IL16: variants seen among roughly 807,000 people sequenced by gnomAD.
IL16 encodes the protein pro-interleukin-16.
IL16 carries 67 observed loss-of-function variants against 110.1 expected under a neutral mutation model. The ratio of observed to expected loss-of-function variants is 0.61; its 90% CI spans 0.50 to 0.75. The LOEUF is 0.75. Among genes scored for constraint, IL16 ranks in the 30% least tolerant of loss-of-function variants. The pLI, the probability that IL16 is intolerant of heterozygous loss-of-function variation, is 0.00. For missense variants in IL16, 1,545 were observed against 1,655.0 expected (o/e 0.93, Z 1.15); for synonymous variants, 689 against 662.9 (o/e 1.04, Z -0.61).
intron 1 of IL16, among the ~76,000 whole-genome samples, chr15:81,183,266 A>C (rs1895371901): frequency 6.6e-6 from 1 of 152,170 alleles, no homozygotes; most frequent in African/African-American, 2.4e-5. Flanking sequence ...TCAGTGTCTA[A>C]AACGCTAGCT....
rs1003856485 is a variant in IL16, at chr15:81,222,147, G to A, written c.-101-3152G>A. On this transcript the variant is annotated intron_variant, in intron 1 of 18. Coordinates refer to ENST00000683961, the MANE Select transcript of IL16 (RefSeq NM_172217.5). ...GGTTTGCATTCCAAGAACCCATGCA[G>A]ACTGTGGCAATTCTTGGTGGGACAA... Among the ~76,000 whole-genome samples, 7 of 152,226 alleles carry A rather than the reference G, an allele frequency of 4.6e-5. No individual in the cohort carries two copies. The East Asian group carries it at 1.4e-3, about 29-fold the overall frequency.
intron 1 of IL16, among the ~76,000 whole-genome samples, chr15:81,184,516 C>T (rs574985919): frequency 2.0e-5 from 3 of 152,306 alleles, no homozygotes; most frequent in African/African-American, 7.2e-5. Flanking sequence ...CAGGCATAAC[C>T]TTGGGTGAGG....
intron 11 of IL16, among the ~76,000 whole-genome samples, chr15:81,291,513 C>T (rs924979555): frequency 6.6e-6 from 1 of 152,034 alleles, no homozygotes; most frequent in Non-Finnish European, 1.5e-5. Flanking sequence ...GGCCTTGGTT[C>T]TCTCTCATGG....
chr15:81,226,552 A>T (rs137997993), intron 2 of IL16, among the ~76,000 whole-genome samples: 1 of 152,316 alleles, frequency 6.6e-6, no homozygotes, highest in East Asian at 1.9e-4. Context: ...TAGGGAAGAC[A>T]TTCCAGTACC....
Position 81,300,097 on chromosome 15 carries a change from C to T in IL16, c.2771C>T (p.Pro924Leu). 6.3e-7 allele frequency: 1 copy of T among 1,583,332 alleles called. No homozygotes were observed. Among genetic ancestry groups the T allele is most frequent in the Non-Finnish European group, 8.6e-7 (1 of 1,165,484 alleles). The part of the protein sequence containing the change: ...ARDPGVSESP[P>L]PGRQPNQKTL... ...GACCCAGGTGTGTCTGAGTCCCCTC[C>T]CCCAGGGCGGCAGCCCAATCAGAAA... is the stretch of plus-strand genomic sequence containing the variant. The change falls in exon 14 of 19, where the codon CCC becomes CTC. Residue 924 changes from proline (P) to leucine (L), a missense_variant. Physicochemically the swap from Pro to Leu is moderately conservative, Grantham distance 98 (BLOSUM62 -3). Coordinates refer to ENST00000683961, the MANE Select transcript of IL16 (RefSeq NM_172217.5).
chr15:81,283,345 C>G (rs576045589), intron 9 of IL16, among the ~76,000 whole-genome samples: 2 of 144,782 alleles, frequency 1.4e-5, no homozygotes, highest in African/African-American at 5.0e-5. Flanking sequence ...CCACAGGTGC[C>G]TCAAAAAAAA....
chr15:81,207,167 G>A (rs950164980), intron 1 of IL16, among the ~76,000 whole-genome samples: 1 of 151,212 alleles, frequency 6.6e-6, no homozygotes, highest in African/African-American at 2.4e-5. Context: ...GAACCTGGGA[G>A]GCAGAGCTTG....
At chr15:81,187,946 G>T (rs1895441661) in intron 1 of IL16, among the ~76,000 whole-genome samples, 1 of 152,158 alleles carries the variant, frequency 6.6e-6, no homozygotes, top group African/African-American at 2.4e-5. Context: ...TGCAGTTTTG[G>T]GTTCTGACAG....
intron 12 of IL16, among the ~76,000 whole-genome samples, chr15:81,294,858 G>C (rs563126153): frequency 6.6e-6 from 1 of 152,070 alleles, no homozygotes; most frequent in Non-Finnish European, 1.5e-5. Context: ...ACCATTCCTG[G>C]GGATTTCTCA....
At chr15:81,275,359 A>AGGGGG (rs796741900) in intron 6 of IL16, among the ~76,000 whole-genome samples, 2 of 9,832 alleles carry the variant, frequency 2.0e-4, no homozygotes, top group African/African-American at 5.9e-4. Flanking sequence ...ACGGGGGAGG[A>AGGGGG]GGGGGGGGAG....
chr15:81,243,180 T>A (rs1236291591), intron 2 of IL16, among the ~76,000 whole-genome samples: 1 of 84,872 alleles, frequency 1.2e-5, no homozygotes, highest in African/African-American at 4.2e-5. Context: ...TTTTTTTTTT[T>A]TTTTTTTTTT....
Position 81,260,417 on chromosome 15 carries a change from A to G in IL16, c.421+537A>G, listed in dbSNP as rs7169898. Among the ~76,000 whole-genome samples, 1,011 of 152,314 alleles carry G rather than the reference A, an allele frequency of 6.6e-3. 6 individuals carry two copies. The highest frequency in any genetic ancestry group is 0.02 in the Middle Eastern group (6 of 294). On this transcript the variant is annotated intron_variant, in intron 3 of 18. Coordinates refer to ENST00000683961, the MANE Select transcript of IL16 (RefSeq NM_172217.5). ...ACTTCACACACGCATTTATTTATAT[A>G]TAACTATTTCAGGTCATCAGAAACT...
At chr15:81,287,113 AC>A (rs1899487274) in intron 10 of IL16, among the ~76,000 whole-genome samples, 1 of 152,300 alleles carries the variant, frequency 6.6e-6, no homozygotes, top group African/African-American at 2.4e-5. Flanking sequence ...ACACAGACAA[AC>A]CATATCAGGC....
intron 12 of IL16, among the ~76,000 whole-genome samples, chr15:81,293,831 T>C (rs1899859545): frequency 6.6e-6 from 1 of 152,244 alleles, no homozygotes; most frequent in Non-Finnish European, 1.5e-5. Flanking sequence ...ATGCGCAGGC[T>C]AACCACACTG....
intron 1 of IL16, among the ~76,000 whole-genome samples, chr15:81,199,271 G>A (rs926119778): frequency 6.6e-6 from 1 of 152,098 alleles, no homozygotes; most frequent in Non-Finnish European, 1.5e-5. Flanking sequence ...TTTACTTCAA[G>A]TTCTTCTTTT....
At chr15:81,234,107 G>A (rs1438770780) in intron 2 of IL16, among the ~76,000 whole-genome samples, 1 of 152,038 alleles carries the variant, frequency 6.6e-6, no homozygotes, top group Non-Finnish European at 1.5e-5. Flanking sequence ...TTTGGTGAGT[G>A]GTTGCGTGGT....
intron 5 of IL16, among the ~76,000 whole-genome samples, chr15:81,271,677 G>A (rs1290109953): frequency 1.3e-5 from 2 of 152,156 alleles, no homozygotes; most frequent in African/African-American, 2.4e-5. Context: ...TAGAGCAGCC[G>A]TCTCAGCCAG....
intron 1 of IL16, among the ~76,000 whole-genome samples, chr15:81,221,311 G>C (rs1365317159): frequency 6.6e-6 from 1 of 152,186 alleles, no homozygotes; most frequent in South Asian, 2.1e-4. Context: ...GACCCACAAG[G>C]CTGTCTTGTG....
At chr15:81,302,442 G>A (rs1454163232) in intron 15 of IL16, among the ~76,000 whole-genome samples, 2 of 152,208 alleles carry the variant, frequency 1.3e-5, no homozygotes, top group East Asian at 3.9e-4. Context: ...CATGAGAAGA[G>A]CCTTCTACAA....
Sources: allele counts gnomAD v4.1 joint callset (sites outside exome capture counted in the v4.1 genomes callset), GRCh38; gene constraint gnomAD v4.1.1; transcripts MANE v1.5; gene names NCBI Gene and HGNC (gene_info 2026-07-23, HGNC 2026-07-21).